Variants in CLCA2 observed in about 807,000 individuals in gnomAD.
CLCA2 encodes the protein chloride channel accessory 2.
A neutral mutation model predicts 82.9 loss-of-function variants in CLCA2; 85 were observed. That is an observed-to-expected ratio of 1.03 (90% CI 0.86 to 1.23). The LOEUF is 1.23. Ranked by LOEUF, CLCA2 falls within the 50% of genes most tolerant of loss-of-function variation. The pLI is 0.00. For synonymous variants in CLCA2, 421 were observed against 391.7 expected, an observed-to-expected ratio of 1.07 and a Z score of -0.88; for missense variants, 1,089 against 1,124.8, an observed-to-expected ratio of 0.97 and a Z score of 0.45.
intron 1 of CLCA2, 64 bp from the exon 2 acceptor site, chr1:86,425,275 C>A (rs1662364772): frequency 1.5e-6 from 2 of 1,295,776 alleles, no homozygotes; most frequent in Non-Finnish European, 2.1e-6. Flanking sequence ...TTAAGCATAC[C>A]AGAAAACCAA....
At position 86,430,890 on chromosome 1, in the gene CLCA2, C is replaced by A; in HGVS notation, c.504C>A (p.His168Gln). ...RGRVFVHEWA[H>Q]LRWGVFDEYN... ...GAGTGTTTGTCCATGAATGGGCCCA[C>A]CTCCGTTGGGGTGTGTTCGATGAGT... Residue 168 changes from histidine to glutamine, a missense_variant, in exon 4 of 14, where the codon CAC becomes CAA. Physicochemically the swap from His to Gln is conservative, Grantham distance 24. Transcript: ENST00000370565. 5 of 1,613,624 alleles carry A rather than the reference C, an allele frequency of 3.1e-6. No individual in the cohort carries two copies. The highest frequency in any genetic ancestry group is 3.4e-6 in the Non-Finnish European group (4 of 1,179,802).
chr1:86,453,314 T>C, intron 12 of CLCA2, 55 bp from the exon 13 acceptor site: 1 of 1,360,800 alleles, frequency 7.3e-7, no homozygotes, highest in Non-Finnish European at 1.0e-6. Context: ...AAGAACAAGC[T>C]ATTCAGAAGC....
intron 2 of CLCA2, 147 bp from the exon 3 acceptor site, chr1:86,428,271 A>G: frequency 1.6e-6 from 1 of 642,942 alleles, no homozygotes; most frequent in Non-Finnish European, 2.3e-6. Flanking sequence ...GTTTTTCTTC[A>G]ATTTTGTTTT....
At chr1:86,433,719 C>T (rs1195204727) in intron 5 of CLCA2, among the ~76,000 whole-genome samples, 1 of 152,190 alleles carries the variant, frequency 6.6e-6, no homozygotes, top group Non-Finnish European at 1.5e-5. Context: ...AAACTCATGT[C>T]CTTAAGCAGT....
chr1:86,443,734 T>C, intron 9 of CLCA2, 53 bp from the exon 10 acceptor site: 2 of 1,291,738 alleles, frequency 1.5e-6, no homozygotes, highest in Admixed American at 2.3e-5. Context: ...AAGAAAAAGA[T>C]GGAATGATTA....
chr1:86,425,289 A>T, intron 1 of CLCA2, 50 bp from the exon 2 acceptor site: 1 of 1,416,384 alleles, frequency 7.1e-7, no homozygotes, highest in Non-Finnish European at 9.5e-7. Flanking sequence ...AAACCAAAAC[A>T]TACAGGATTT....
chr1:86,455,965 A>G lies in CLCA2; in HGVS notation c.*438A>G, dbSNP rs1342181739. On this transcript the variant is annotated 3_prime_UTR_variant, in exon 14 of 14. Transcript: ENST00000370565. The stretch of plus-strand genomic sequence containing the variant: ...GGTTGCTTGTTTACAACTGAAGATC[A>G]TGCTATATTTTATATATGAAGCCCC... The G allele has an allele frequency of 6.6e-6, 1 of 152,292 alleles. No individual in the cohort carries two copies. The highest frequency in any genetic ancestry group is 1.9e-4 in the East Asian group (1 of 5,206). The allele number at this position is 152,292 out of a possible 1,614,324, so 9.4% of individuals were successfully genotyped here. A position where few individuals can be genotyped will look rare whatever the true frequency, so the allele number is the denominator to read the frequency against.
intron 3 of CLCA2, 38 bp from the exon 4 acceptor site, chr1:86,430,824 T>G: frequency 2.7e-6 from 4 of 1,508,564 alleles, no homozygotes; most frequent in Non-Finnish European, 3.7e-6. Flanking sequence ...ATTGCTGAGA[T>G]TTTAGAAGCT....
intron 3 of CLCA2, among the ~76,000 whole-genome samples, chr1:86,429,837 A>ATACACTTTAC: frequency 6.6e-6 from 1 of 152,198 alleles, no homozygotes; most frequent in Non-Finnish European, 1.5e-5. Flanking sequence ...ACTCCATAAA[A>ATACACTTTAC]TACACTTTAC....
chr1:86,442,185 G>A (rs1470558658), intron 9 of CLCA2, among the ~76,000 whole-genome samples: 1 of 152,104 alleles, frequency 6.6e-6, no homozygotes, highest in African/African-American at 2.4e-5. Context: ...GGCTTGATGT[G>A]ACCAATGCAG....
chr1:86,453,625 C>A, intron 13 of CLCA2, 23 bp downstream of exon 13: 2 of 1,589,322 alleles, frequency 1.3e-6, no homozygotes, highest in South Asian at 1.1e-5. Context: ...ATTTCATTAC[C>A]TATTTTTCCA....
At chr1:86,437,897 TAA>T (rs140440981) in intron 6 of CLCA2, among the ~76,000 whole-genome samples, 24 of 144,976 alleles carry the variant, frequency 1.7e-4, no homozygotes, top group South Asian at 4.4e-4. Flanking sequence ...AAACTGAAGC[TAA>T]AAAAAAAAAG....
rs78330935 is a variant in CLCA2, at chr1:86,429,530, A to C, written c.475+962A>C. On this transcript the variant is annotated intron_variant, in intron 3 of 13. Coordinates refer to ENST00000370565, the MANE Select transcript of CLCA2 (RefSeq NM_006536.7). The stretch of plus-strand genomic sequence containing the variant: ...GAAGAGCAATAGACTATGCCAGGGA[A>C]AGTGGTTCAGCCTGTGGTTAGATAT... Among the ~76,000 whole-genome samples the C allele has an allele frequency of 1.0e-3, 152 of 152,266 alleles. 2 individuals are homozygous for C. In the East Asian group the frequency reaches 0.023, roughly 23 times the overall value.
At chr1:86,442,097 G>C (rs1177371823) in intron 9 of CLCA2, among the ~76,000 whole-genome samples, 3 of 151,944 alleles carry the variant, frequency 2.0e-5, no homozygotes, top group Non-Finnish European at 2.9e-5. Flanking sequence ...AGATATTTTG[G>C]ACATAACTGA....
chr1:86,434,550 C>A lies in CLCA2; in HGVS notation c.777C>A (p.Asn259Lys), dbSNP rs773035847. The A allele has an allele frequency of 1.2e-6, 2 of 1,614,054 alleles. No homozygotes were observed. The highest frequency in any genetic ancestry group is 3.3e-5 in the Admixed American group (2 of 60,012). ...VVEFCNASTHNQEAPNLQNQM... is the reference protein window; with the variant it reads ...VVEFCNASTHKQEAPNLQNQM... ...AATTTTGTAATGCAAGTACCCACAA[C>A]CAAGAAGCACCAAACCTACAGAACC... The change falls in exon 6 of 14, where the codon AAC becomes AAA. Residue 259 changes from asparagine (N) to lysine (K), a missense_variant. Asn to Lys is a moderately conservative substitution (Grantham distance 94). Coordinates refer to ENST00000370565, the MANE Select transcript of CLCA2 (RefSeq NM_006536.7).
At chr1:86,444,516 A>G (rs182079123) in intron 10 of CLCA2, among the ~76,000 whole-genome samples, 2 of 152,352 alleles carry the variant, frequency 1.3e-5, no homozygotes, top group Admixed American at 1.3e-4. Context: ...CAAAGACATC[A>G]AAATGGAAAT....
At chr1:86,451,389 G>A (rs935113500) in intron 12 of CLCA2, among the ~76,000 whole-genome samples, 1 of 152,092 alleles carries the variant, frequency 6.6e-6, no homozygotes, top group Non-Finnish European at 1.5e-5. Context: ...TTCCAAAAAT[G>A]CAGATTCTTT....
intron 10 of CLCA2, among the ~76,000 whole-genome samples, chr1:86,445,860 C>T (rs2791464): frequency 0.85 from 128,918 of 152,150 alleles, 54,769 homozygotes; most frequent in Non-Finnish European, 0.86. Flanking sequence ...AAATATTACA[C>T]ACATTAAAAG....
chr1:86,446,027 A>T (rs1384027936), intron 10 of CLCA2, among the ~76,000 whole-genome samples: 4 of 152,016 alleles, frequency 2.6e-5, no homozygotes, highest in Non-Finnish European at 5.9e-5. Flanking sequence ...AGGGAAAAAA[A>T]ATCAGCAGAC....
Sources: gnomAD v4.1 joint callset for allele counts (sites outside exome capture counted in the v4.1 genomes callset) on GRCh38, gnomAD v4.1.1 for gene constraint, MANE v1.5 for transcripts, NCBI Gene and HGNC (gene_info 2026-07-23, HGNC 2026-07-21) for gene names.